The following BCO1 variants were observed in gnomAD, a reference collection of about 807,000 sequenced individuals.
BCO1 encodes the protein beta-carotene oxygenase 1.
Under a neutral mutation model 56.3 loss-of-function variants are expected in BCO1, and 54 were observed. The observed-to-expected ratio is 0.96, with a 90% CI of 0.77 to 1.20. The LOEUF (loss-of-function observed/expected upper bound fraction) is 1.20, where lower values mean the gene tolerates loss of function less well. BCO1 is among the 50% of genes most tolerant of loss of function. The pLI is 0.00. For missense variants in BCO1, 801 were observed against 690.9 expected (o/e 1.16, Z -1.79); for synonymous variants, 318 against 266.1 (o/e 1.20, Z -1.90).
intron 7 of BCO1, among the ~76,000 whole-genome samples, chr16:81,274,828 AGATCCCACCACTGCACTCCAGCCT>A (rs1415035687): frequency 6.6e-6 from 1 of 151,902 alleles, no homozygotes; most frequent in Non-Finnish European, 1.5e-5. Flanking sequence ...CAGTGAGCTG[AGATCCCACCACTGCACTCCAGCCT>A]GATCCCGCCA....
chr16:81,256,658 C>T (rs979265187), intron 2 of BCO1, among the ~76,000 whole-genome samples: 8 of 152,138 alleles, frequency 5.3e-5, no homozygotes, highest in Non-Finnish European at 1.5e-5. Context: ...GAGGCCGAGG[C>T]AGGCAGTTCA....
intron 2 of BCO1, among the ~76,000 whole-genome samples, chr16:81,250,578 C>CTTTTTTTTTTTTTTTTTT (rs530676028): frequency 7.6e-5 from 8 of 105,476 alleles, no homozygotes; most frequent in South Asian, 3.3e-4. Context: ...CTCAATAAAG[C>CTTTTTTTTTTTTTTTTTT]TTTTTTTTTT....
Position 81,240,985 on chromosome 16 carries a change from C to T in BCO1, c.64+2013C>T, listed in dbSNP as rs1423485504. Among the ~76,000 whole-genome samples, 4 of 151,660 alleles carry T rather than the reference C, an allele frequency of 2.6e-5. No homozygotes were observed. In the East Asian group the frequency reaches 7.9e-4, roughly 30 times the overall value. Reference sequence around the variant, plus strand: ...AAATAGCTGGAATGACAGGCATGCACCACCACACCCGGCTAATTTTGTATT... The same window carrying T: ...AAATAGCTGGAATGACAGGCATGCATCACCACACCCGGCTAATTTTGTATT... On this transcript the variant is annotated intron_variant, in intron 1 of 10. Transcript: ENST00000258168.
chr16:81,259,616 A>G lies in BCO1; in HGVS notation c.194-60A>G, dbSNP rs186936769. 15 of 1,612,122 alleles carry G rather than the reference A, an allele frequency of 9.3e-6. No individual in the cohort carries two copies. In the African/African-American group the frequency reaches 1.3e-4, roughly 14 times the overall value. ...CAGTAAAACCCATACAAGGACTGAC[A>G]TTGATTTTAAAGCCCTGTGAAGGCG... On this transcript the variant is annotated intron_variant, in intron 2 of 10. Coordinates refer to ENST00000258168, the MANE Select transcript of BCO1 (RefSeq NM_017429.3).
At chr16:81,267,322 C>T (rs1906888975) in intron 5 of BCO1, among the ~76,000 whole-genome samples, 1 of 152,054 alleles carries the variant, frequency 6.6e-6, no homozygotes, top group African/African-American at 2.4e-5. Flanking sequence ...ATATAAAACC[C>T]CTAATTATGG....
Position 81,267,939 on chromosome 16 carries a change from G to A in BCO1, c.651G>A (p.Lys217=). 1 of 1,613,954 alleles carries A rather than the reference G, an allele frequency of 6.2e-7. No individual in the cohort carries two copies. The highest frequency in any genetic ancestry group is 1.1e-5 in the South Asian group (1 of 91,068). Residue 217 remains lysine (K), a synonymous_variant, in exon 6 of 11, where the codon AAG becomes AAA. Transcript: ENST00000258168. ...EGKKQGKSPW[K]HTEVFCSIPS... ...AGAAGCAGGGGAAGAGCCCCTGGAA[G>A]CACACAGAGGTGTTCTGCTCCATCC...
chr16:81,270,475 G>A, intron 7 of BCO1, 59 bp downstream of exon 7: 1 of 1,603,966 alleles, frequency 6.2e-7, no homozygotes. Flanking sequence ...CAGGTGGGAA[G>A]TTACTTTGGC....
intron 8 of BCO1, among the ~76,000 whole-genome samples, chr16:81,284,471 G>A (rs893669029): frequency 4.6e-5 from 7 of 151,846 alleles, no homozygotes; most frequent in Non-Finnish European, 8.8e-5. Flanking sequence ...GTAACCTAGC[G>A]GAGATACAAT....
intron 4 of BCO1, chr16:81,262,698 T>A (rs1335893853): frequency 3.1e-6 from 1 of 318,802 alleles, no homozygotes; most frequent in Non-Finnish European, 6.1e-6. Flanking sequence ...CGTGGTGGCA[T>A]GTGCCTGTAA....
intron 7 of BCO1, among the ~76,000 whole-genome samples, chr16:81,275,924 G>C (rs370932727): frequency 6.6e-6 from 1 of 152,126 alleles, no homozygotes; most frequent in Non-Finnish European, 1.5e-5. Flanking sequence ...GCGGGGTGTG[G>C]CTGGGAGGGG....
chr16:81,277,057 C>T (rs1430163084), intron 7 of BCO1, among the ~76,000 whole-genome samples: 1 of 114,136 alleles, frequency 8.8e-6, no homozygotes, highest in African/African-American at 3.3e-5. Context: ...CAGAGTGAGA[C>T]TCGGTCTCAA....
At chr16:81,249,506 TC>T (rs1265957722) in intron 2 of BCO1, among the ~76,000 whole-genome samples, 2 of 152,156 alleles carry the variant, frequency 1.3e-5, no homozygotes, top group African/African-American at 4.8e-5. Context: ...TCTGACCGCC[TC>T]GGCCTCCCAA....
At chr16:81,248,123 C>T (rs982096567) in intron 2 of BCO1, among the ~76,000 whole-genome samples, 3 of 152,108 alleles carry the variant, frequency 2.0e-5, no homozygotes, top group Non-Finnish European at 4.4e-5. Flanking sequence ...AACTACTGGC[C>T]AGTCGCGATG....
At chr16:81,268,229 G>T in intron 6 of BCO1, 98 bp downstream of exon 6, 1 of 1,017,130 alleles carries the variant, frequency 9.8e-7, no homozygotes, top group Non-Finnish European at 1.4e-6. Flanking sequence ...AAGTGGCATG[G>T]AAGAGGGAGG....
chr16:81,241,967 C>A (rs561231645), intron 1 of BCO1, among the ~76,000 whole-genome samples: 1 of 152,284 alleles, frequency 6.6e-6, no homozygotes, highest in Non-Finnish European at 1.5e-5. Flanking sequence ...TAGCCTGGCA[C>A]CTCCCACATA....
chr16:81,244,204 G>A (rs1905265116), intron 1 of BCO1, among the ~76,000 whole-genome samples: 1 of 152,222 alleles, frequency 6.6e-6, no homozygotes, highest in Admixed American at 6.5e-5. Context: ...GGACTTGGGT[G>A]GAGGCACCAA....
intron 1 of BCO1, among the ~76,000 whole-genome samples, chr16:81,243,921 G>A (rs1021852623): frequency 6.6e-6 from 1 of 152,272 alleles, no homozygotes; most frequent in Non-Finnish European, 1.5e-5. Context: ...GCCATTGGCT[G>A]CTGAGGCCAT....
Position 81,273,278 on chromosome 16 carries a change from C to T in BCO1, c.1101+2862C>T, listed in dbSNP as rs536996481. On this transcript the variant is annotated intron_variant, in intron 7 of 10. Coordinates refer to ENST00000258168, the MANE Select transcript of BCO1 (RefSeq NM_017429.3). ...GATTACAGGCATGAGCCACCGTGGC[C>T]GGCCCTAAACCCCTGTTTGTAACTA... 1.4e-4 allele frequency among the ~76,000 whole-genome samples: 21 copies of T among 152,232 alleles called. No homozygotes were observed. In the East Asian group the frequency reaches 2.3e-3, roughly 17 times the overall value.
intron 5 of BCO1, among the ~76,000 whole-genome samples, chr16:81,265,252 A>C (rs1271349450): frequency 1.3e-5 from 2 of 150,074 alleles, no homozygotes; most frequent in African/African-American, 2.5e-5. Flanking sequence ...CCCCTTATCT[A>C]GCCAGCCACT....
Sources: gnomAD v4.1 joint callset for allele counts (sites outside exome capture counted in the v4.1 genomes callset) on GRCh38, gnomAD v4.1.1 for gene constraint, MANE v1.5 for transcripts, NCBI Gene and HGNC (gene_info 2026-07-23, HGNC 2026-07-21) for gene names.